Variants in USP54 observed in about 807,000 individuals in gnomAD.
USP54 encodes the protein ubiquitin carboxyl-terminal hydrolase 54.
USP54 carries 87 observed loss-of-function variants against 170.5 expected under a neutral mutation model. The ratio of observed to expected loss-of-function variants is 0.51; its 90% confidence interval spans 0.43 to 0.61. The LOEUF is 0.61. Ranked by LOEUF, USP54 falls within the 20% of genes least tolerant of loss-of-function variation. USP54 has a pLI of 0.00. For missense variants in USP54, 1,786 were observed against 2,047.8 expected (o/e 0.87, Z 2.47); for synonymous variants, 655 against 742.8 (o/e 0.88, Z 1.92).
chr10:73,539,928 C>T (rs1228085290), intron 9 of USP54, among the ~76,000 whole-genome samples: 3 of 151,440 alleles, frequency 2.0e-5, no homozygotes, highest in Non-Finnish European at 2.9e-5. Flanking sequence ...GTATTCGAGA[C>T]CAGCCTGGCC....
intron 4 of USP54, among the ~76,000 whole-genome samples, chr10:73,569,689 T>C (rs1208114342): frequency 3.3e-5 from 5 of 150,294 alleles, no homozygotes; most frequent in Non-Finnish European, 7.4e-5. Flanking sequence ...GAGGCAGAGG[T>C]TGCGGTGAGC....
chr10:73,613,976 G>A (rs1399660569), intron 1 of USP54: 2 of 151,716 alleles, frequency 1.3e-5, no homozygotes, highest in East Asian at 3.9e-4. Context: ...AGGCCGAGGA[G>A]GACAGGTCAC....
chr10:73,610,396 C>T (rs958111321), intron 1 of USP54, among the ~76,000 whole-genome samples: 3 of 151,950 alleles, frequency 2.0e-5, no homozygotes, highest in African/African-American at 4.8e-5. Context: ...CCAAGGTGGG[C>T]GGATCACTCG....
At chr10:73,518,141 T>C in intron 19 of USP54, 6 of 981,388 alleles carry the variant, frequency 6.1e-6, no homozygotes, top group Non-Finnish European at 7.3e-6. Context: ...AAATCACTCA[T>C]ACCAAACAGC....
rs1203239261 is a variant in USP54 at position 73,509,957 on chromosome 10, C to T, written c.4052-4531G>A. ...TGGCCCTGATGACACCACTGCATTC[C>T]AGTCTGGGCAACAAAGCAAGACCTT... is the stretch of plus-strand genomic sequence containing the variant. On this transcript the variant is annotated intron_variant, in intron 20 of 23. Coordinates refer to ENST00000687698, the MANE Select transcript of USP54 (RefSeq NM_001391956.1). 2.0e-5 allele frequency among the ~76,000 whole-genome samples: 3 copies of T among 152,202 alleles called. No individual in the cohort carries two copies. The East Asian group carries it at 5.8e-4, about 29-fold the overall frequency.
At chr10:73,593,196 A>G (rs1336287674), upstream of USP54, among the ~76,000 whole-genome samples, 1 of 143,146 alleles carries the variant, frequency 7.0e-6, no homozygotes, top group Non-Finnish European at 1.5e-5. Flanking sequence ...CCTTCTCTAC[A>G]AAAAAAAAAA....
chr10:73,532,287 CT>C (rs2064159293), intron 12 of USP54, among the ~76,000 whole-genome samples: 1 of 152,188 alleles, frequency 6.6e-6, no homozygotes, highest in South Asian at 2.1e-4. Context: ...ATTCTCCTGC[CT>C]CAGCCTCCTG....
chr10:73,563,955 C>T (rs2073717896), intron 4 of USP54, among the ~76,000 whole-genome samples: 1 of 151,658 alleles, frequency 6.6e-6, no homozygotes, highest in Non-Finnish European at 1.5e-5. Context: ...ACTTCCCTAT[C>T]CCTGAGGTCA....
intron 5 of USP54, among the ~76,000 whole-genome samples, chr10:73,544,254 T>C (rs1187191243): frequency 6.6e-6 from 1 of 152,212 alleles, no homozygotes; most frequent in African/African-American, 2.4e-5. Flanking sequence ...CCTTTTGATA[T>C]TGCATTTTTC....
intron 12 of USP54, among the ~76,000 whole-genome samples, chr10:73,532,617 T>A (rs1450233762): frequency 6.6e-6 from 1 of 152,056 alleles, no homozygotes. Flanking sequence ...TCTAAAAAAC[T>A]CACACCTGAC....
chr10:73,514,108 T>G (rs115460504), intron 20 of USP54, among the ~76,000 whole-genome samples: 1 of 152,060 alleles, frequency 6.6e-6, no homozygotes, highest in African/African-American at 2.4e-5. Flanking sequence ...TGGGCCACCG[T>G]GCCCAGCTAA....
Position 73,539,613 on chromosome 10 carries a change from A to G in USP54, c.826-20T>C, listed in dbSNP as rs2066122194. On this transcript the variant is annotated intron_variant, in intron 9 of 23. Transcript: ENST00000687698. ...AAACAGCTGAGGGGAAAGAAGAGAA[A>G]AGAAAGCACAGTCACATATTCAACC... The G allele has an allele frequency of 1.3e-6, 2 of 1,569,028 alleles. No homozygotes were observed. Among genetic ancestry groups the G allele is most frequent in the African/African-American group, 2.7e-5 (2 of 74,294 alleles).
At chr10:73,601,954 A>C (rs1239192731) in intron 1 of USP54, among the ~76,000 whole-genome samples, 1 of 152,210 alleles carries the variant, frequency 6.6e-6, no homozygotes, top group Non-Finnish European at 1.5e-5. Context: ...TGTTTGTTTC[A>C]ACAGCCCCTT....
intron 8 of USP54, 51 bp downstream of exon 8, chr10:73,541,582 T>C: frequency 6.2e-7 from 1 of 1,613,264 alleles, no homozygotes; most frequent in South Asian, 1.1e-5. Flanking sequence ...TCAATTCCAC[T>C]GATCGATGGT....
intron 1 of USP54, among the ~76,000 whole-genome samples, chr10:73,622,097 C>T (rs563843404): frequency 6.6e-6 from 1 of 152,150 alleles, no homozygotes; most frequent in South Asian, 2.1e-4. Flanking sequence ...AAATTTCCCA[C>T]ACCAATCTCT....
chr10:73,522,332 C>G (rs186162503), intron 17 of USP54, among the ~76,000 whole-genome samples: 89 of 152,236 alleles, frequency 5.8e-4, no homozygotes, highest in Admixed American at 5.9e-4. Flanking sequence ...TTTTTAAGTT[C>G]TCTACTCTAT....
At chr10:73,516,314 C>A (rs930272102) in intron 20 of USP54, 61 bp downstream of exon 20, 4 of 1,526,512 alleles carry the variant, frequency 2.6e-6, no homozygotes, top group South Asian at 1.3e-5. Context: ...TCTGATCTTT[C>A]CCTGCTTTCA....
At chr10:73,513,059 T>C (rs2060466282) in intron 20 of USP54, among the ~76,000 whole-genome samples, 1 of 152,012 alleles carries the variant, frequency 6.6e-6, no homozygotes. Context: ...AACATTCAAC[T>C]AGTTATTAGT....
At chr10:73,587,728 A>G (rs769582677) in intron 1 of USP54, among the ~76,000 whole-genome samples, 1 of 152,192 alleles carries the variant, frequency 6.6e-6, no homozygotes, top group Non-Finnish European at 1.5e-5. Context: ...AATAACATCT[A>G]TCTCATAGGA....
Sources: allele counts gnomAD v4.1 joint callset (sites outside exome capture counted in the v4.1 genomes callset), GRCh38; gene constraint gnomAD v4.1.1; transcripts MANE v1.5; gene names NCBI Gene and HGNC (gene_info 2026-07-23, HGNC 2026-07-21).